PGBD5: variants seen among roughly 807,000 people sequenced by gnomAD.
PGBD5 encodes the protein piggyBac transposable element-derived protein 5.
In PGBD5, 14 loss-of-function variants were observed where a neutral mutation model predicts 47.9. That is an observed-to-expected ratio of 0.29 (90% confidence interval 0.19 to 0.46). The LOEUF is 0.46. PGBD5 is among the 20% of genes least tolerant of loss of function. PGBD5 has a pLI of 1.00. For synonymous variants in PGBD5, 316 were observed against 306.3 expected, an observed-to-expected ratio of 1.03 and a Z score of -0.33; for missense variants, 635 against 716.0, an observed-to-expected ratio of 0.89 and a Z score of 1.29.
At chr1:230,378,952 C>T (rs1352076487) in intron 1 of PGBD5, among the ~76,000 whole-genome samples, 1 of 152,110 alleles carries the variant, frequency 6.6e-6, no homozygotes, top group Non-Finnish European at 1.5e-5. Flanking sequence ...GAGCTGATGG[C>T]CAAGTCACGA....
intron 3 of PGBD5, among the ~76,000 whole-genome samples, chr1:230,341,517 T>C (rs1667407668): frequency 6.6e-6 from 1 of 152,198 alleles, no homozygotes; most frequent in Non-Finnish European, 1.5e-5. Context: ...ATCCTGCCAG[T>C]AATCTGAGAA....
chr1:230,337,470 G>T (rs945052568), intron 3 of PGBD5, among the ~76,000 whole-genome samples, 182 bp from the exon 4 acceptor site: 8 of 152,152 alleles, frequency 5.3e-5, no homozygotes, highest in African/African-American at 1.9e-4. Context: ...CCGTGGCCTT[G>T]GCGATTGGTG....
intron 1 of PGBD5, among the ~76,000 whole-genome samples, chr1:230,391,234 G>A (rs1345115563): frequency 6.6e-6 from 1 of 152,144 alleles, no homozygotes; most frequent in Non-Finnish European, 1.5e-5. Flanking sequence ...GGACTTCATG[G>A]TAACATCTCC....
chr1:230,383,001 T>C (rs1427652572), intron 1 of PGBD5, among the ~76,000 whole-genome samples: 1 of 152,214 alleles, frequency 6.6e-6, no homozygotes, highest in Non-Finnish European at 1.5e-5. Flanking sequence ...AATGGTTCTC[T>C]GCCATCTCGC....
chr1:230,364,568 T>C (rs1204933774), intron 1 of PGBD5, among the ~76,000 whole-genome samples: 1 of 152,282 alleles, frequency 6.6e-6, no homozygotes, highest in Admixed American at 6.5e-5. Context: ...TGCACGTGTG[T>C]GTCTGTGCAC....
chr1:230,418,710 G>A (rs538962207), intron 1 of PGBD5, among the ~76,000 whole-genome samples: 4 of 152,028 alleles, frequency 2.6e-5, no homozygotes, highest in Admixed American at 6.6e-5. Context: ...AGATGGTCTC[G>A]AACTCTTGGT....
intron 3 of PGBD5, among the ~76,000 whole-genome samples, chr1:230,345,186 T>C (rs1667458247): frequency 6.6e-6 from 1 of 152,200 alleles, no homozygotes; most frequent in Non-Finnish European, 1.5e-5. Context: ...CATTAACCTG[T>C]TGGCCAATTT....
chr1:230,397,224 G>A (rs1316374040), intron 1 of PGBD5, among the ~76,000 whole-genome samples: 1 of 152,220 alleles, frequency 6.6e-6, no homozygotes, highest in Non-Finnish European at 1.5e-5. Context: ...CAGAAATCTG[G>A]ATGCCCACCT....
At chr1:230,396,224 CTTTTTA>C (rs1656959534) in intron 1 of PGBD5, among the ~76,000 whole-genome samples, 4 of 9,134 alleles carry the variant, frequency 4.4e-4, no homozygotes, top group Admixed American at 1.3e-3. Flanking sequence ...CACATTCCTC[CTTTTTA>C]CCCCCACACT....
chr1:230,358,582 C>CA (rs1217078104), intron 1 of PGBD5, among the ~76,000 whole-genome samples: 2 of 152,080 alleles, frequency 1.3e-5, no homozygotes, highest in African/African-American at 4.8e-5. Flanking sequence ...CACACACACA[C>CA]ACCTCCCCGC....
intron 3 of PGBD5, 100 bp downstream of exon 3, chr1:230,350,858 T>G: frequency 6.7e-7 from 1 of 1,493,430 alleles, no homozygotes. Flanking sequence ...GTGAAAAGGG[T>G]ATGTGAACAA....
intron 1 of PGBD5, among the ~76,000 whole-genome samples, chr1:230,394,814 CACGCTCCT>C (rs1656883759): frequency 8.0e-6 from 1 of 125,170 alleles, no homozygotes; most frequent in Non-Finnish European, 1.7e-5. Context: ...TTCCTCTCCT[CACGCTCCT>C]CCCTATCCCC....
intron 3 of PGBD5, among the ~76,000 whole-genome samples, chr1:230,344,285 C>CA (rs1215909793): frequency 0.01 from 1,388 of 136,036 alleles, 14 homozygotes; most frequent in African/African-American, 0.033. Flanking sequence ...ACTCCGTCTC[C>CA]AAAAAAAAAA....
At position 230,332,991 on chromosome 1, in the gene PGBD5, G is replaced by T; in HGVS notation, c.1126C>A (p.Leu376Ile). ...LRARKSDCTG[L>I]PLSMLTNPAT... ...GGGTTGGTCAGCATGGACAGTGGGA[G>T]GCCGGTGCAGTCACTCTTCCGCGCG... The change falls in exon 5 of 7, where the codon CTC becomes ATC. Residue 376 changes from leucine (L) to isoleucine (I), a missense_variant. Transcript: ENST00000391860. The T allele has an allele frequency of 1.2e-6, 2 of 1,613,290 alleles. No individual in the cohort carries two copies. Among genetic ancestry groups the T allele is most frequent in the Non-Finnish European group, 1.7e-6 (2 of 1,179,606 alleles).
intron 3 of PGBD5, among the ~76,000 whole-genome samples, chr1:230,347,198 C>T (rs1667486671): frequency 6.6e-6 from 1 of 152,162 alleles, no homozygotes; most frequent in South Asian, 2.1e-4. Flanking sequence ...AGGAAGCCCC[C>T]TGTAGTAGCC....
At chr1:230,355,425 C>T (rs115687223) in intron 2 of PGBD5, among the ~76,000 whole-genome samples, 1,943 of 152,312 alleles carry the variant, frequency 0.013, 38 homozygotes, top group African/African-American at 0.043. Flanking sequence ...CGGCACCTCT[C>T]CAAATGTTTG....
chr1:230,396,250 TACCCCCAC>T (rs1656964038), intron 1 of PGBD5, among the ~76,000 whole-genome samples: 2 of 16,256 alleles, frequency 1.2e-4, no homozygotes, highest in African/African-American at 3.7e-4. Context: ...TCCTCCCTTT[TACCCCCAC>T]ACTCCTCCTT....
chr1:230,399,064 G>A (rs76944006), intron 1 of PGBD5, among the ~76,000 whole-genome samples: 5,060 of 151,612 alleles, frequency 0.033, 105 homozygotes, highest in Middle Eastern at 0.051. Flanking sequence ...ACTAAGGGGG[G>A]GTGGCTAAGT....
intron 3 of PGBD5, among the ~76,000 whole-genome samples, chr1:230,344,513 T>A (rs752133968): frequency 6.6e-6 from 1 of 151,988 alleles, no homozygotes. Flanking sequence ...CAACACACAC[T>A]CTGTAAGTGT....
Sources: allele counts gnomAD v4.1 joint callset (sites outside exome capture counted in the v4.1 genomes callset), GRCh38; gene constraint gnomAD v4.1.1; transcripts MANE v1.5; gene names NCBI Gene and HGNC (gene_info 2026-07-23, HGNC 2026-07-21).